Variants in RYR2 observed in about 807,000 individuals in gnomAD.
The protein encoded by RYR2 is ryanodine receptor 2.
A neutral mutation model predicts 601.1 loss-of-function variants in RYR2; 227 were observed. The observed-to-expected ratio is 0.38, with a 90% CI of 0.34 to 0.42. The LOEUF (loss-of-function observed/expected upper bound fraction) is 0.42, where lower values mean the gene tolerates loss of function less well. Among genes scored for constraint, RYR2 ranks in the 10% least tolerant of loss-of-function variants. RYR2 has a pLI of 1.00. For missense variants in RYR2, 4,646 were observed against 6,156.5 expected (o/e 0.75, Z 8.21); for synonymous variants, 2,223 against 2,175.1 (o/e 1.02, Z -0.61).
At chr1:237,164,599 G>A (rs758273570) in intron 1 of RYR2, among the ~76,000 whole-genome samples, 13 of 152,324 alleles carry the variant, frequency 8.5e-5, no homozygotes, top group Non-Finnish European at 1.8e-4. Flanking sequence ...GTAGGCCACC[G>A]TGGCAGGGAC....
chr1:237,490,802 A>G (rs1663244024), intron 17 of RYR2, among the ~76,000 whole-genome samples: 1 of 152,238 alleles, frequency 6.6e-6, no homozygotes. Flanking sequence ...ACAGCCATAG[A>G]GAATTGCCTC....
intron 17 of RYR2, among the ~76,000 whole-genome samples, chr1:237,483,598 C>T (rs1662358660): frequency 6.6e-6 from 1 of 152,162 alleles, no homozygotes; most frequent in African/African-American, 2.4e-5. Context: ...TTTGTAAATA[C>T]CAAGACTGCC....
At chr1:237,657,238 G>C (rs749446175) in intron 53 of RYR2, among the ~76,000 whole-genome samples, 3 of 151,764 alleles carry the variant, frequency 2.0e-5, no homozygotes, top group Admixed American at 6.6e-5. Flanking sequence ...GTTAACTGCT[G>C]GAAAACAACA....
chr1:237,185,902 G>A (rs1347640227), intron 1 of RYR2, among the ~76,000 whole-genome samples: 1 of 152,204 alleles, frequency 6.6e-6, no homozygotes, highest in African/African-American at 2.4e-5. Context: ...GGACACTTCT[G>A]CCACACAGTC....
At chr1:237,235,858 A>C (rs1162028260) in intron 1 of RYR2, among the ~76,000 whole-genome samples, 1 of 152,158 alleles carries the variant, frequency 6.6e-6, no homozygotes, top group Non-Finnish European at 1.5e-5. Flanking sequence ...ACAGATATTA[A>C]GTTTTACTGT....
intron 80 of RYR2, among the ~76,000 whole-genome samples, chr1:237,745,247 T>A (rs1407028476): frequency 6.6e-6 from 1 of 152,164 alleles, no homozygotes; most frequent in Non-Finnish European, 1.5e-5. Flanking sequence ...TGGCATACAA[T>A]GGGCCTAACA....
chr1:237,556,467 A>ATTT lies in RYR2; in HGVS notation c.3214+5789_3214+5791dup, dbSNP rs34327081. Among the ~76,000 whole-genome samples the ATTT allele has an allele frequency of 3.6e-3, 500 of 139,578 alleles. 6 individuals carry two copies. The highest frequency in any genetic ancestry group is 5.2e-3 in the Non-Finnish European group (341 of 65,254). The allele number at this position is 139,578 out of a possible 152,430, so 91.6% of individuals were successfully genotyped here. A position where few individuals can be genotyped will look rare whatever the true frequency, so the allele number is the denominator to read the frequency against. ...ATGCGCCTGCCACGAGGCCCGGCTA[A>ATTT]TTTTTTTTTTTTTTTGTATTTTTAG... On this transcript the variant is annotated intron_variant, in intron 27 of 104. Transcript: ENST00000366574.
intron 58 of RYR2, among the ~76,000 whole-genome samples, chr1:237,671,707 G>C (rs1684963386): frequency 2.0e-5 from 3 of 152,072 alleles, no homozygotes; most frequent in Admixed American, 2.0e-4. Flanking sequence ...TGCCTCCTTT[G>C]CTTGCCTTAG....
At position 237,733,595 on chromosome 1, in the gene RYR2, A is replaced by T. The variant is rs969333449; in HGVS notation, c.11040-110A>T. On this transcript the variant is annotated intron_variant, in intron 78 of 104. Transcript: ENST00000366574. ...AGTTTTGTGTTCATTTAATTTTAAA[A>T]AGGTATACTTGTTAGAAAAAGAACA... 13 of 722,590 alleles carry T rather than the reference A, an allele frequency of 1.8e-5. No individual in the cohort carries two copies. In the African/African-American group the frequency reaches 2.1e-4, roughly 12 times the overall value. 44.8% of individuals were successfully genotyped at this position (722,590 alleles called of 1,614,324 possible). A position where few individuals can be genotyped will look rare whatever the true frequency, so the allele number is the denominator to read the frequency against.
At chr1:237,348,421 C>T (rs2149655748) in intron 3 of RYR2, among the ~76,000 whole-genome samples, 1 of 152,038 alleles carries the variant, frequency 6.6e-6, no homozygotes, top group South Asian at 2.1e-4. Flanking sequence ...TGCTGGGGGG[C>T]CAAAAATTGT....
chr1:237,304,797 T>G (rs1174931469), intron 2 of RYR2, among the ~76,000 whole-genome samples: 1 of 152,230 alleles, frequency 6.6e-6, no homozygotes. Context: ...CGTTTTATTA[T>G]TTGGTTTGTT....
intron 25 of RYR2, among the ~76,000 whole-genome samples, chr1:237,531,579 A>G (rs912375006): frequency 2.6e-5 from 4 of 152,174 alleles, no homozygotes; most frequent in African/African-American, 4.8e-5. Flanking sequence ...GTTACCCCAG[A>G]AAAACATAAA....
At chr1:237,155,166 A>T (rs867794029) in intron 1 of RYR2, among the ~76,000 whole-genome samples, 235 of 128,624 alleles carry the variant, frequency 1.8e-3, no homozygotes, top group African/African-American at 2.1e-3. Context: ...GTATATATAT[A>T]TTTTTTTCTT....
chr1:237,595,828 C>A (rs938116870), intron 34 of RYR2, among the ~76,000 whole-genome samples, 171 bp downstream of exon 34: 4 of 152,110 alleles, frequency 2.6e-5, no homozygotes, highest in Admixed American at 2.6e-4. Flanking sequence ...CATAGCTGTC[C>A]CAGCCACTGC....
chr1:237,756,672 G>A (rs1692981811), intron 81 of RYR2, among the ~76,000 whole-genome samples: 1 of 152,076 alleles, frequency 6.6e-6, no homozygotes, highest in Admixed American at 6.5e-5. Flanking sequence ...ATAAAATGGG[G>A]GTGCACGAGC....
intron 11 of RYR2, among the ~76,000 whole-genome samples, chr1:237,420,037 A>G (rs560474355): frequency 1.3e-5 from 2 of 152,176 alleles, no homozygotes; most frequent in East Asian, 1.9e-4. Flanking sequence ...CTCCAGTGAG[A>G]TCCTATACTA....
intron 38 of RYR2, among the ~76,000 whole-genome samples, chr1:237,618,565 A>G (rs1678736498): frequency 6.6e-6 from 1 of 152,206 alleles, no homozygotes. Flanking sequence ...ACCAGGAAAC[A>G]CCAATGGGCA....
chr1:237,565,932 T>C (rs1672027645), intron 27 of RYR2, among the ~76,000 whole-genome samples: 1 of 152,034 alleles, frequency 6.6e-6, no homozygotes, highest in South Asian at 2.1e-4. Flanking sequence ...CTGACCTTTT[T>C]ATTTTTCCCC....
At chr1:237,272,429 A>G (rs1043500157) in intron 2 of RYR2, among the ~76,000 whole-genome samples, 1 of 151,952 alleles carries the variant, frequency 6.6e-6, no homozygotes, top group Admixed American at 6.6e-5. Flanking sequence ...TGTAAAGCTG[A>G]AAAAAAGGCT....
Sources: gnomAD v4.1 joint callset for allele counts (sites outside exome capture counted in the v4.1 genomes callset) on GRCh38, gnomAD v4.1.1 for gene constraint, MANE v1.5 for transcripts, NCBI Gene and HGNC (gene_info 2026-07-23, HGNC 2026-07-21) for gene names.